The following COL28A1 variants were observed in gnomAD, a reference collection of about 807,000 sequenced individuals.
The protein encoded by COL28A1 is collagen type XXVIII alpha 1 chain.
COL28A1 carries 161 observed loss-of-function variants against 150.2 expected under a neutral mutation model. That is an observed-to-expected ratio of 1.07 (90% confidence interval 0.94 to 1.22). The LOEUF (loss-of-function observed/expected upper bound fraction) is 1.22, where lower values mean the gene tolerates loss of function less well. Ranked by LOEUF, COL28A1 falls within the 50% of genes most tolerant of loss-of-function variation. The probability of loss-of-function intolerance (pLI) is 0.00; values close to 1 mark genes in which losing one functional copy is unlikely to be tolerated. For missense variants in COL28A1, 1,617 were observed against 1,388.3 expected, an observed-to-expected ratio of 1.16 and a Z score of -2.62; for synonymous variants, 552 against 469.7, an observed-to-expected ratio of 1.18 and a Z score of -2.26.
downstream of COL28A1, among the ~76,000 whole-genome samples, chr7:7,355,611 A>G (rs1780330320): frequency 6.6e-6 from 1 of 152,160 alleles, no homozygotes; most frequent in East Asian, 1.9e-4. Flanking sequence ...CCATCTCAAA[A>G]ACAAATATAA....
intron 3 of COL28A1, among the ~76,000 whole-genome samples, chr7:7,524,741 G>A (rs185867306): frequency 6.6e-6 from 1 of 152,226 alleles, no homozygotes; most frequent in Non-Finnish European, 1.5e-5. Context: ...ATGGGTGTTA[G>A]ATCATATTAA....
chr7:7,418,011 C>T, intron 26 of COL28A1, 84 bp from the exon 27 acceptor site: 2 of 1,093,044 alleles, frequency 1.8e-6, no homozygotes, highest in Non-Finnish European at 1.3e-6. Flanking sequence ...CTCTCAGCTG[C>T]ATTCTTACTT....
intron 15 of COL28A1, among the ~76,000 whole-genome samples, chr7:7,474,030 G>A (rs1788666070): frequency 7.1e-6 from 1 of 140,300 alleles, no homozygotes. Flanking sequence ...TATATATGAT[G>A]GAATACTATA....
intron 34 of COL28A1, among the ~76,000 whole-genome samples, chr7:7,359,617 T>C (rs1187452310): frequency 6.6e-6 from 1 of 152,162 alleles, no homozygotes; most frequent in African/African-American, 2.4e-5. Flanking sequence ...AATCCCCAAA[T>C]AGATAATTGC....
intron 28 of COL28A1, 97 bp from the exon 29 acceptor site, chr7:7,380,959 T>C: frequency 9.8e-7 from 1 of 1,017,986 alleles, no homozygotes; most frequent in Non-Finnish European, 1.5e-6. Flanking sequence ...TGGCATCTCT[T>C]GAAGACCTTC....
rs531453725 is a variant in COL28A1 at position 7,384,615 on chromosome 7, G to GA, written c.2137-3004dup. Among the ~76,000 whole-genome samples the GA allele has an allele frequency of 3.2e-3, 490 of 152,164 alleles. 3 individuals carry two copies. The highest frequency in any genetic ancestry group is 0.011 in the African/African-American group (471 of 41,512). On this transcript the variant is annotated intron_variant, in intron 27 of 34. Coordinates refer to ENST00000399429, the MANE Select transcript of COL28A1 (RefSeq NM_001037763.3). ...GCCTTATTATAGGTATGTGTATATA[G>GA]AAAAAACATAGCATATTTAGGGTTT... is the stretch of plus-strand genomic sequence containing the variant.
chr7:7,394,908 G>A (rs1356263973), intron 27 of COL28A1, among the ~76,000 whole-genome samples: 1 of 152,206 alleles, frequency 6.6e-6, no homozygotes, highest in Non-Finnish European at 1.5e-5. Flanking sequence ...GTACTAGGAG[G>A]TTCACTCTTA....
intron 25 of COL28A1, among the ~76,000 whole-genome samples, chr7:7,425,467 C>T (rs1236753051): frequency 2.6e-5 from 4 of 152,188 alleles, no homozygotes; most frequent in African/African-American, 9.7e-5. Context: ...TACACAGGTC[C>T]CACACGACCT....
At chr7:7,408,225 TG>T (rs1332746261) in intron 27 of COL28A1, among the ~76,000 whole-genome samples, 1 of 152,122 alleles carries the variant, frequency 6.6e-6, no homozygotes, top group Non-Finnish European at 1.5e-5. Flanking sequence ...GAAGAATTTT[TG>T]CAAGATCAAA....
At chr7:7,476,633 G>T (rs1459758739) in intron 14 of COL28A1, among the ~76,000 whole-genome samples, 1 of 152,130 alleles carries the variant, frequency 6.6e-6, no homozygotes, top group Non-Finnish European at 1.5e-5. Flanking sequence ...GGAAATGACA[G>T]GAAATTCTCA....
At chr7:7,500,731 G>A (rs964941582) in intron 11 of COL28A1, among the ~76,000 whole-genome samples, 3 of 151,944 alleles carry the variant, frequency 2.0e-5, no homozygotes, top group South Asian at 2.1e-4. Context: ...TTAAGTTCAG[G>A]GTCTGTACAT....
intron 11 of COL28A1, among the ~76,000 whole-genome samples, chr7:7,497,094 A>AAAGGAAGGAAGG (rs141012538): frequency 0.05 from 6,146 of 123,720 alleles, 218 homozygotes; most frequent in East Asian, 0.075. Context: ...AGGAAGGAAG[A>AAAGGAAGGAAGG]AAGGAAGGAA....
upstream of COL28A1, among the ~76,000 whole-genome samples, chr7:7,539,164 A>C (rs906438541): frequency 1.3e-5 from 2 of 152,206 alleles, no homozygotes; most frequent in African/African-American, 4.8e-5. Context: ...CTATAAAGGA[A>C]TACCTAAGGC....
At chr7:7,439,155 G>A (rs1785564426) in intron 21 of COL28A1, among the ~76,000 whole-genome samples, 1 of 152,190 alleles carries the variant, frequency 6.6e-6, no homozygotes, top group Admixed American at 6.5e-5. Context: ...GACTCCATCA[G>A]TCAGATTCAC....
intron 27 of COL28A1, among the ~76,000 whole-genome samples, chr7:7,409,982 T>C (rs1041030140): frequency 1.9e-4 from 29 of 152,202 alleles, no homozygotes; most frequent in African/African-American, 7.0e-4. Context: ...AATAAGGAGA[T>C]TGAAAGAGGA....
At chr7:7,486,695 G>C (rs1022877548) in intron 13 of COL28A1, among the ~76,000 whole-genome samples, 1 of 152,148 alleles carries the variant, frequency 6.6e-6, no homozygotes, top group Non-Finnish European at 1.5e-5. Flanking sequence ...CTTTTGATGT[G>C]ATCATGTGAT....
the COL28A1 span, among the ~76,000 whole-genome samples, chr7:7,341,421 T>G: frequency 6.6e-6 from 1 of 152,132 alleles, no homozygotes; most frequent in African/African-American, 2.4e-5. Context: ...TTAAATTTTT[T>G]AGAGACAAGG....
intron 13 of COL28A1, 119 bp from the exon 14 acceptor site, chr7:7,477,299 A>T (rs1323592352): frequency 3.0e-6 from 2 of 675,022 alleles, no homozygotes; most frequent in East Asian, 5.4e-5. Flanking sequence ...TGCCAAAAAA[A>T]AATGGATAGT....
chr7:7,415,965 G>C (rs1032370425), intron 27 of COL28A1, among the ~76,000 whole-genome samples: 1 of 152,098 alleles, frequency 6.6e-6, no homozygotes, highest in Non-Finnish European at 1.5e-5. Context: ...ACCACACCAA[G>C]CTAAGTTTTG....
Sources: gnomAD v4.1 joint callset for allele counts (sites outside exome capture counted in the v4.1 genomes callset) on GRCh38, gnomAD v4.1.1 for gene constraint, MANE v1.5 for transcripts, NCBI Gene and HGNC (gene_info 2026-07-23, HGNC 2026-07-21) for gene names.